The following TRIM14 variants were observed in gnomAD, a reference collection of about 807,000 sequenced individuals.
TRIM14 encodes the protein tripartite motif containing 14.
Under a neutral mutation model 44.5 loss-of-function variants are expected in TRIM14, and 28 were observed. The ratio of observed to expected loss-of-function variants is 0.63; its 90% CI spans 0.47 to 0.86. TRIM14 has a LOEUF of 0.86. TRIM14 is among the 40% of genes least tolerant of loss of function. TRIM14 has a pLI of 0.00. For missense variants in TRIM14, 607 were observed against 611.1 expected (o/e 0.99, Z 0.07); for synonymous variants, 299 against 269.2 (o/e 1.11, Z -1.08).
At chr9:98,105,487 G>A (rs763125455) in intron 2 of TRIM14, among the ~76,000 whole-genome samples, 29 of 152,236 alleles carry the variant, frequency 1.9e-4, no homozygotes, top group Non-Finnish European at 4.3e-4. Flanking sequence ...GCTGAGGCAG[G>A]AGAATTGCTT....
downstream of TRIM14, among the ~76,000 whole-genome samples, chr9:98,084,070 G>A (rs1825673646): frequency 6.6e-6 from 1 of 152,194 alleles, no homozygotes; most frequent in Non-Finnish European, 1.5e-5. Context: ...GGGACTTGAA[G>A]CAACATGAAC....
intron 3 of TRIM14, among the ~76,000 whole-genome samples, chr9:98,096,985 A>C (rs1311566307): frequency 6.6e-6 from 1 of 152,124 alleles, no homozygotes; most frequent in African/African-American, 2.4e-5. Context: ...CTTGAGGTCA[A>C]GAGTTTGAGA....
At position 98,072,312 on chromosome 9, in the gene TRIM14, C is replaced by T. The variant is rs78038938; in HGVS notation, c.*29-2625G>A. ...TCAGAACCCTTTGGAGTTTTTCTGC[C>T]TCAGCCTATTTGGGCAGGTAGGTTC... is the stretch of plus-strand genomic sequence containing the variant. On this transcript the variant is annotated intron_variant, in intron 6 of 6. Coordinates refer to the TRIM14 transcript ENST00000375098. 6.4e-3 allele frequency among the ~76,000 whole-genome samples: 969 copies of T among 152,310 alleles called. 6 individuals carry two copies. The highest frequency in any genetic ancestry group is 0.022 in the African/African-American group (915 of 41,566).
At chr9:98,048,563 C>A in the TRIM14 span, among the ~76,000 whole-genome samples, 1 of 152,180 alleles carries the variant, frequency 6.6e-6, no homozygotes, top group South Asian at 2.1e-4. Context: ...AACTGTAATG[C>A]CTTTTAGTTC....
the TRIM14 span, among the ~76,000 whole-genome samples, chr9:98,039,028 G>A: frequency 2.6e-5 from 4 of 151,472 alleles, no homozygotes; most frequent in Admixed American, 6.6e-5. Context: ...CCAGCCTGGC[G>A]ACAGAGAGAG....
intron 1 of TRIM14, 119 bp from the exon 2 acceptor site, chr9:98,110,103 T>C: frequency 2.7e-6 from 2 of 752,446 alleles, no homozygotes; most frequent in Non-Finnish European, 4.5e-6. Flanking sequence ...CATCTGAAGG[T>C]GAGGTAACTT....
In TRIM14 at chr9:98,101,975, C is replaced by T. The variant is rs111781300; in HGVS notation, c.304-1811G>A. Among the ~76,000 whole-genome samples, 1,350 of 149,256 alleles carry T rather than the reference C, an allele frequency of 9.0e-3. 21 individuals are homozygous for T. The highest frequency in any genetic ancestry group is 0.032 in the African/African-American group (1,276 of 40,368). On this transcript the variant is annotated intron_variant, in intron 2 of 5. Transcript: ENST00000341469. ...GTGAGCTGAGATCAGGCCGCTGCAC[C>T]CCAGCCTGGGCGACAATGCAAGACT...
chr9:98,042,883 A>T, the TRIM14 span, among the ~76,000 whole-genome samples: 1 of 152,026 alleles, frequency 6.6e-6, no homozygotes, highest in African/African-American at 2.4e-5. Context: ...AAAAAAAAAA[A>T]GAGTTTACTT....
intron 3 of TRIM14, among the ~76,000 whole-genome samples, chr9:98,098,508 G>A (rs1395915195): frequency 6.6e-6 from 1 of 151,914 alleles, no homozygotes; most frequent in East Asian, 1.9e-4. Context: ...TCAGGAGATG[G>A]AGACCATCCT....
At chr9:98,035,934 G>A in the TRIM14 span, among the ~76,000 whole-genome samples, 1 of 152,198 alleles carries the variant, frequency 6.6e-6, no homozygotes, top group African/African-American at 2.4e-5. Flanking sequence ...TTGTAGGCCG[G>A]GTGTGGTGGC....
intron 3 of TRIM14, among the ~76,000 whole-genome samples, chr9:98,099,421 C>T (rs759483742): frequency 6.9e-5 from 10 of 145,006 alleles, no homozygotes; most frequent in East Asian, 4.2e-4. Flanking sequence ...CACTGTACTC[C>T]GGCCTGGGCA....
the TRIM14 span, among the ~76,000 whole-genome samples, chr9:98,048,064 C>CAAAAAAAAAAAAA: frequency 1.9e-5 from 2 of 107,536 alleles, no homozygotes; most frequent in African/African-American, 5.8e-5. Flanking sequence ...GACTCCTTCT[C>CAAAAAAAAAAAAA]AAAAAAAAAA....
At chr9:98,049,055 A>G in the TRIM14 span, among the ~76,000 whole-genome samples, 1 of 151,654 alleles carries the variant, frequency 6.6e-6, no homozygotes, top group Admixed American at 6.6e-5. Flanking sequence ...AAGAGTGGCT[A>G]TTCTGGCCGG....
downstream of TRIM14, among the ~76,000 whole-genome samples, chr9:98,079,691 C>G (rs373103493): frequency 6.6e-6 from 1 of 152,154 alleles, no homozygotes; most frequent in African/African-American, 2.4e-5. Flanking sequence ...TAGACGTGAC[C>G]CCAGCTATTT....
the TRIM14 span, among the ~76,000 whole-genome samples, chr9:98,062,964 T>A: frequency 6.6e-6 from 1 of 151,838 alleles, no homozygotes; most frequent in East Asian, 1.9e-4. Flanking sequence ...TGAGATGGAG[T>A]CTCACTCTGT....
chr9:98,082,932 CAA>C (rs1395130106), downstream of TRIM14: 1 of 1,614,132 alleles, frequency 6.2e-7, no homozygotes, highest in South Asian at 1.1e-5. Flanking sequence ...TGGGTGAGCC[CAA>C]AGGCTATCCT....
chr9:98,047,712 G>A, the TRIM14 span, among the ~76,000 whole-genome samples: 1 of 152,030 alleles, frequency 6.6e-6, no homozygotes, highest in African/African-American at 2.4e-5. Flanking sequence ...GGCAATTATG[G>A]GGGAATTCTC....
At chr9:98,059,995 C>G in the TRIM14 span, among the ~76,000 whole-genome samples, 112 of 152,244 alleles carry the variant, frequency 7.4e-4, no homozygotes, top group Admixed American at 1.9e-3. Flanking sequence ...TTTACACATC[C>G]TGGAGGTAGC....
intron 1 of TRIM14, among the ~76,000 whole-genome samples, chr9:98,118,513 C>T (rs1296186372): frequency 1.3e-5 from 2 of 152,158 alleles, no homozygotes; most frequent in Non-Finnish European, 2.9e-5. Flanking sequence ...GCAGTCAGGC[C>T]GTCCTCAGCT....
Sources: gnomAD v4.1 joint callset for allele counts (sites outside exome capture counted in the v4.1 genomes callset) on GRCh38, gnomAD v4.1.1 for gene constraint, MANE v1.5 for transcripts, NCBI Gene and HGNC (gene_info 2026-07-23, HGNC 2026-07-21) for gene names.